CALN1: variants seen among roughly 807,000 people sequenced by gnomAD.
CALN1 encodes calcium-binding protein 8.
In CALN1, 17 loss-of-function variants were observed where a neutral mutation model predicts 30.6. That is an observed-to-expected ratio of 0.56 (90% CI 0.38 to 0.83). CALN1 has a LOEUF of 0.83. Among genes scored for constraint, CALN1 ranks in the 40% least tolerant of loss-of-function variants. CALN1 has a pLI of 0.00. For missense variants in CALN1, 291 were observed against 354.9 expected (o/e 0.82, Z 1.45); for synonymous variants, 156 against 131.4 (o/e 1.19, Z -1.28).
At chr7:72,477,490 T>C in the CALN1 span, among the ~76,000 whole-genome samples, 1 of 152,120 alleles carries the variant, frequency 6.6e-6, no homozygotes, top group African/African-American at 2.4e-5. Context: ...TGATCATAGC[T>C]CACTACAGCC....
rs73701478 is a variant in CALN1, at chr7:71,896,550, G to C, written c.502-86058C>G. The stretch of plus-strand genomic sequence containing the variant: ...CCGAAATTAGATGAGAATCTTATGG[G>C]AATTCACAATGAAAGGCCTGTGATG... On this transcript the variant is annotated intron_variant, in intron 5 of 6. Coordinates refer to ENST00000395275, the MANE Select transcript of CALN1 (RefSeq NM_031468.4). Among the ~76,000 whole-genome samples the C allele has an allele frequency of 9.6e-3, 1,466 of 152,246 alleles. 28 individuals are homozygous for C. The highest frequency in any genetic ancestry group is 0.034 in the African/African-American group (1,417 of 41,544).
chr7:71,942,274 G>A (rs373643565), intron 5 of CALN1: 4 of 204,966 alleles, frequency 2.0e-5, no homozygotes, highest in Non-Finnish European at 3.2e-5. Context: ...CACCAGCCAC[G>A]TGCAGCCTAT....
the CALN1 span, among the ~76,000 whole-genome samples, chr7:72,461,613 C>G: frequency 6.6e-6 from 1 of 152,098 alleles, no homozygotes; most frequent in Non-Finnish European, 1.5e-5. Context: ...AGTGGGTACA[C>G]GTGGACACAA....
At chr7:72,400,207 C>T (rs768312404) in intron 2 of CALN1, among the ~76,000 whole-genome samples, 12 of 152,158 alleles carry the variant, frequency 7.9e-5, no homozygotes, top group Admixed American at 3.9e-4. Flanking sequence ...TCTGTCCACC[C>T]ATTTATAGTG....
At chr7:71,823,364 T>C (rs370534545) in intron 5 of CALN1, among the ~76,000 whole-genome samples, 9 of 152,280 alleles carry the variant, frequency 5.9e-5, no homozygotes, top group African/African-American at 2.2e-4. Flanking sequence ...AGAGACGGGA[T>C]GTGTGAGTCT....
chr7:71,924,722 T>C (rs997303619), intron 5 of CALN1, among the ~76,000 whole-genome samples: 7 of 152,218 alleles, frequency 4.6e-5, no homozygotes, highest in African/African-American at 1.4e-4. Flanking sequence ...CTTCAAATAA[T>C]ACAATGCTCA....
chr7:72,123,854 A>G (rs1005990186), intron 3 of CALN1, among the ~76,000 whole-genome samples: 6 of 152,198 alleles, frequency 3.9e-5, no homozygotes, highest in African/African-American at 9.7e-5. Context: ...GTTTTAACAC[A>G]CTGTTTCTCT....
chr7:72,221,190 C>T (rs557998026), intron 3 of CALN1, among the ~76,000 whole-genome samples: 6 of 151,776 alleles, frequency 4.0e-5, no homozygotes, highest in Admixed American at 6.6e-5. Context: ...ATTTTTCACA[C>T]GGTTAGTAGG....
At chr7:72,383,450 G>A (rs1053608962) in intron 2 of CALN1, among the ~76,000 whole-genome samples, 1 of 152,122 alleles carries the variant, frequency 6.6e-6, no homozygotes, top group Non-Finnish European at 1.5e-5. Flanking sequence ...TAACTAGTGT[G>A]AGGAGGTATC....
chr7:72,335,688 G>A (rs914290925), intron 2 of CALN1, among the ~76,000 whole-genome samples: 13 of 152,198 alleles, frequency 8.5e-5, no homozygotes, highest in Non-Finnish European at 1.0e-4. Flanking sequence ...TACGGGCTTC[G>A]ACCCAAATGG....
At position 71,958,777 on chromosome 7, in the gene CALN1, G is replaced by A. The variant is rs1033983022; in HGVS notation, c.501+64880C>T. On this transcript the variant is annotated intron_variant, in intron 5 of 6. Transcript: ENST00000395275. Reference sequence around the variant, plus strand: ...TCTTCTGTTAGATTTCATGTTAGCTGCTTGTTCAAAATCAGGCAGAAAGGC... The same window carrying A: ...TCTTCTGTTAGATTTCATGTTAGCTACTTGTTCAAAATCAGGCAGAAAGGC... Among the ~76,000 whole-genome samples, 3 of 152,260 alleles carry A rather than the reference G, an allele frequency of 2.0e-5. No homozygotes were observed. The East Asian group carries it at 5.8e-4, about 30-fold the overall frequency.
At position 71,820,566 on chromosome 7, in the gene CALN1, C is replaced by T. The variant is rs762528644; in HGVS notation, c.502-10074G>A. 2.6e-5 allele frequency among the ~76,000 whole-genome samples: 4 copies of T among 152,280 alleles called. No individual in the cohort carries two copies. In the East Asian group the frequency reaches 7.7e-4, roughly 29 times the overall value. On this transcript the variant is annotated intron_variant, in intron 5 of 6. Coordinates refer to ENST00000395275, the MANE Select transcript of CALN1 (RefSeq NM_031468.4). ...CAATAGACATAAAGTAGAAGCAGCCCAAGTGTCTGCTATGGATGTAGGTGT... is the reference window on the plus strand; with the variant it reads ...CAATAGACATAAAGTAGAAGCAGCCTAAGTGTCTGCTATGGATGTAGGTGT...
intron 2 of CALN1, among the ~76,000 whole-genome samples, chr7:72,329,097 T>C (rs1801484478): frequency 6.6e-6 from 1 of 152,228 alleles, no homozygotes; most frequent in Non-Finnish European, 1.5e-5. Context: ...TGGACAAGCA[T>C]TGTTAACATT....
chr7:71,884,534 G>C (rs139988226), intron 5 of CALN1, among the ~76,000 whole-genome samples: 4 of 151,944 alleles, frequency 2.6e-5, no homozygotes, highest in Non-Finnish European at 4.4e-5. Context: ...TCGATCTCTC[G>C]GTGGTGGTGA....
the CALN1 span, among the ~76,000 whole-genome samples, chr7:72,483,035 G>C: frequency 6.6e-6 from 1 of 152,196 alleles, no homozygotes; most frequent in East Asian, 1.9e-4. Flanking sequence ...TAATATTTTA[G>C]AGATGTTCCA....
At chr7:71,937,253 T>A (rs1795887139) in intron 5 of CALN1, among the ~76,000 whole-genome samples, 1 of 151,970 alleles carries the variant, frequency 6.6e-6, no homozygotes, top group African/African-American at 2.4e-5. Flanking sequence ...GAGGTTGCAG[T>A]GAGCTGAGAT....
chr7:72,206,126 C>T (rs957304170), intron 3 of CALN1, among the ~76,000 whole-genome samples: 3 of 152,082 alleles, frequency 2.0e-5, no homozygotes, highest in East Asian at 1.9e-4. Flanking sequence ...TTTTGAATAA[C>T]GTAATGGGCT....
At chr7:72,201,353 C>T (rs1791400869) in intron 3 of CALN1, among the ~76,000 whole-genome samples, 1 of 152,054 alleles carries the variant, frequency 6.6e-6, no homozygotes, top group Non-Finnish European at 1.5e-5. Flanking sequence ...CTTTGGGAGG[C>T]CGAGGTGGGT....
At chr7:72,431,458 C>T (rs77659298) in intron 1 of CALN1, among the ~76,000 whole-genome samples, 4 of 152,126 alleles carry the variant, frequency 2.6e-5, no homozygotes, top group African/African-American at 9.7e-5. Flanking sequence ...CTTAACACTG[C>T]AGCAGCCTCT....
Sources: gnomAD v4.1 joint callset for allele counts (sites outside exome capture counted in the v4.1 genomes callset) on GRCh38, gnomAD v4.1.1 for gene constraint, MANE v1.5 for transcripts, NCBI Gene and HGNC (gene_info 2026-07-23, HGNC 2026-07-21) for gene names.